The following SEC14L2 variants were observed in gnomAD, a reference collection of about 807,000 sequenced individuals.
SEC14L2 encodes the protein SEC14 like lipid binding 2.
A neutral mutation model predicts 56.9 loss-of-function variants in SEC14L2; 50 were observed. That is an observed-to-expected ratio of 0.88 (90% CI 0.70 to 1.11). The LOEUF is 1.11. Among genes scored for constraint, SEC14L2 ranks in the 50% most tolerant of loss-of-function variants. The pLI, the probability that SEC14L2 is intolerant of heterozygous loss-of-function variation, is 0.00. For synonymous variants in SEC14L2, 179 were observed against 188.5 expected, an observed-to-expected ratio of 0.95 and a Z score of 0.41; for missense variants, 414 against 500.7, an observed-to-expected ratio of 0.83 and a Z score of 1.65.
At chr22:30,412,264 A>G (rs891307096) in intron 8 of SEC14L2, among the ~76,000 whole-genome samples, 3 of 152,220 alleles carry the variant, frequency 2.0e-5, no homozygotes, top group African/African-American at 7.2e-5. Context: ...CTACAAAAAA[A>G]AGTAAAAAAT....
At position 30,424,261 on chromosome 22, in the gene SEC14L2, T is replaced by A. The variant is rs1008199747; in HGVS notation, c.*1854T>A. ...TCACGTGGTTTTAGGGACTGTCTAA[T>A]AATTCCACGCCAGCATTGCCGGTGT... is the stretch of plus-strand genomic sequence containing the variant. On this transcript the variant is annotated 3_prime_UTR_variant, in exon 12 of 12. Transcript: ENST00000615189. 1 of 164,684 alleles carries A rather than the reference T, an allele frequency of 6.1e-6. No homozygotes were observed. The highest frequency in any genetic ancestry group is 5.7e-5 in the Admixed American group (1 of 17,452). 10.2% of individuals were successfully genotyped at this position (164,684 alleles called of 1,614,324 possible).
rs1934548136 is a variant in SEC14L2 at position 30,422,521 on chromosome 22, G to A, written c.*114G>A. The stretch of plus-strand genomic sequence containing the variant: ...CCCAAAGAAACTGGGCTGGAGGACA[G>A]ACCTCAGGAGCTTTCATTTCAGTTA... On this transcript the variant is annotated 3_prime_UTR_variant, in exon 12 of 12. Transcript: ENST00000615189. The A allele has an allele frequency of 6.0e-6, 8 of 1,324,590 alleles. No homozygotes were observed. The South Asian group carries it at 1.1e-4, about 18-fold the overall frequency. 82.1% of individuals were successfully genotyped at this position (1,324,590 alleles called of 1,614,324 possible).
At chr22:30,398,081 G>T (rs1307717309) in intron 1 of SEC14L2, among the ~76,000 whole-genome samples, 1 of 152,198 alleles carries the variant, frequency 6.6e-6, no homozygotes, top group East Asian at 1.9e-4. Context: ...GGTGGGGCGG[G>T]GGGCAGATGT....
At chr22:30,403,988 C>T (rs186752470) in intron 2 of SEC14L2, among the ~76,000 whole-genome samples, 1,934 of 113,808 alleles carry the variant, frequency 0.017, 32 homozygotes, top group Middle Eastern at 0.098. Context: ...CCGGCCTGGG[C>T]GACAGAGCGA....
At chr22:30,419,026 T>TG (rs1934451799) in intron 11 of SEC14L2, among the ~76,000 whole-genome samples, 1 of 152,230 alleles carries the variant, frequency 6.6e-6, no homozygotes, top group Non-Finnish European at 1.5e-5. Context: ...GAGTACAGAA[T>TG]ACTCAACTAG....
At chr22:30,412,976 C>T (rs1934292777) in intron 8 of SEC14L2, among the ~76,000 whole-genome samples, 1 of 151,908 alleles carries the variant, frequency 6.6e-6, no homozygotes, top group African/African-American at 2.4e-5. Context: ...GAGATGGTGA[C>T]GCATTAGTTC....
At chr22:30,400,466 C>T (rs1401198718) in intron 2 of SEC14L2, 1 of 152,264 alleles carries the variant, frequency 6.6e-6, no homozygotes, top group Non-Finnish European at 1.5e-5. Flanking sequence ...GTGCCCCAAT[C>T]CCTGAGATGT....
intron 8 of SEC14L2, among the ~76,000 whole-genome samples, chr22:30,414,951 TCA>T (rs1162522575): frequency 3.3e-5 from 5 of 152,090 alleles, no homozygotes; most frequent in Non-Finnish European, 5.9e-5. Context: ...AGTTCTGCCC[TCA>T]CAGTGTTCAG....
intron 6 of SEC14L2, 48 bp from the exon 7 acceptor site, chr22:30,409,378 G>A (rs2146024619): frequency 6.2e-7 from 1 of 1,609,270 alleles, no homozygotes; most frequent in Non-Finnish European, 8.5e-7. Flanking sequence ...GAGGCAATGG[G>A]GGCAGATTCT....
At position 30,422,600 on chromosome 22, in the gene SEC14L2, G is replaced by GT. The variant is rs1934550115; in HGVS notation, c.*194dup. The GT allele has an allele frequency of 3.3e-6, 2 of 605,776 alleles. No homozygotes were observed. Among genetic ancestry groups the GT allele is most frequent in the East Asian group, 6.0e-5 (2 of 33,200 alleles). 37.5% of individuals were successfully genotyped at this position (605,776 alleles called of 1,614,324 possible). ...TCCGTGTCTATCAAATACCTAAGGAGTCCCCAGGAGCTGGCTGGCCATCGT... is the reference window on the plus strand; with the variant it reads ...TCCGTGTCTATCAAATACCTAAGGAGTTCCCCAGGAGCTGGCTGGCCATCGT... On this transcript the variant is annotated 3_prime_UTR_variant, in exon 12 of 12. Coordinates refer to ENST00000615189, the MANE Select transcript of SEC14L2 (RefSeq NM_012429.5).
chr22:30,404,019 AAAAAAAAAAAG>A (rs1934019854), intron 2 of SEC14L2, among the ~76,000 whole-genome samples: 1 of 138,450 alleles, frequency 7.2e-6, no homozygotes, highest in South Asian at 2.4e-4. Flanking sequence ...CAAAAAAAAA[AAAAAAAAAAAG>A]AAAAAAAAAA....
intron 7 of SEC14L2, 28 bp from the exon 8 acceptor site, chr22:30,410,568 G>T (rs765912250): frequency 6.2e-7 from 1 of 1,606,820 alleles, no homozygotes; most frequent in South Asian, 1.1e-5. Context: ...ACTGCTCCCA[G>T]CCTCACATTA....
chr22:30,401,943 T>A (rs1933949862), intron 2 of SEC14L2, among the ~76,000 whole-genome samples: 1 of 151,610 alleles, frequency 6.6e-6, no homozygotes, highest in Admixed American at 6.6e-5. Flanking sequence ...ACCCTAGGAG[T>A]CTTGGGGCAG....
At chr22:30,411,535 T>C (rs2299824) in intron 8 of SEC14L2, among the ~76,000 whole-genome samples, 79,559 of 151,398 alleles carry the variant, frequency 0.53, 21,455 homozygotes, top group South Asian at 0.78. Context: ...CGCTTGAGCT[T>C]AGGAGTTCGA....
intron 8 of SEC14L2, among the ~76,000 whole-genome samples, chr22:30,414,536 T>C (rs1320723460): frequency 6.6e-6 from 1 of 152,204 alleles, no homozygotes; most frequent in African/African-American, 2.4e-5. Flanking sequence ...ATCTGAGGGC[T>C]GGCAGACTCT....
chr22:30,404,014 AAAAAAAAAAAAAAAAG>A (rs1243682552), intron 2 of SEC14L2, among the ~76,000 whole-genome samples: 129 of 131,836 alleles, frequency 9.8e-4, no homozygotes, highest in Non-Finnish European at 1.7e-3. Context: ...CGTCTCAAAA[AAAAAAAAAAAAAAAAG>A]AAAAAAAAAA....
At chr22:30,410,471 C>T in intron 7 of SEC14L2, 125 bp from the exon 8 acceptor site, 1 of 882,426 alleles carries the variant, frequency 1.1e-6, no homozygotes, top group Non-Finnish European at 1.8e-6. Context: ...TATGTGGGCT[C>T]CAGAGCCCTG....
intron 11 of SEC14L2, among the ~76,000 whole-genome samples, chr22:30,417,951 G>A (rs1934429064): frequency 6.6e-6 from 1 of 152,090 alleles, no homozygotes; most frequent in Non-Finnish European, 1.5e-5. Flanking sequence ...ATTCTTATTA[G>A]TGAGCAGCCG....
At chr22:30,411,130 C>T (rs1352357470) in intron 8 of SEC14L2, among the ~76,000 whole-genome samples, 1 of 151,986 alleles carries the variant, frequency 6.6e-6, no homozygotes, top group Non-Finnish European at 1.5e-5. Context: ...GGCATAATGG[C>T]GTGCACTTGT....
Sources: gnomAD v4.1 joint callset for allele counts (sites outside exome capture counted in the v4.1 genomes callset) on GRCh38, gnomAD v4.1.1 for gene constraint, MANE v1.5 for transcripts, NCBI Gene and HGNC (gene_info 2026-07-23, HGNC 2026-07-21) for gene names.